The following PAK5 variants were observed in gnomAD, a reference collection of about 807,000 sequenced individuals.
PAK5 encodes serine/threonine-protein kinase PAK 5.
A neutral mutation model predicts 65.9 loss-of-function variants in PAK5; 16 were observed. The observed-to-expected ratio is 0.24, with a 90% CI of 0.16 to 0.37. The LOEUF (loss-of-function observed/expected upper bound fraction) is 0.37, where lower values mean the gene tolerates loss of function less well. Ranked by LOEUF, PAK5 falls within the 10% of genes least tolerant of loss-of-function variation. The probability of loss-of-function intolerance (pLI) is 1.00; values close to 1 mark genes in which losing one functional copy is unlikely to be tolerated. For synonymous variants in PAK5, 371 were observed against 354.9 expected (o/e 1.05, Z -0.51); for missense variants, 785 against 903.9 (o/e 0.87, Z 1.69).
chr20:9,765,956 G>T (rs1052876652), intron 1 of PAK5, among the ~76,000 whole-genome samples: 9 of 152,230 alleles, frequency 5.9e-5, no homozygotes, highest in Non-Finnish European at 1.3e-4. Flanking sequence ...GGGCGTGGTG[G>T]CTCACGCCTG....
intron 9 of PAK5, among the ~76,000 whole-genome samples, chr20:9,540,810 C>T (rs2045250102): frequency 6.6e-6 from 1 of 151,212 alleles, no homozygotes; most frequent in Non-Finnish European, 1.5e-5. Flanking sequence ...GATCTGGGCT[C>T]ACTGCAAGCT....
At chr20:9,802,908 G>GTATATATATATATATATATATATA (rs2049185951) in intron 1 of PAK5, among the ~76,000 whole-genome samples, 1 of 1,936 alleles carries the variant, frequency 5.2e-4, no homozygotes, top group East Asian at 0.015. Context: ...GTATATGTAT[G>GTATATATATATATATATATATATA]TGTATATATA....
intron 5 of PAK5, 67 bp from the exon 6 acceptor site, chr20:9,563,091 C>G: frequency 7.1e-7 from 1 of 1,399,010 alleles, no homozygotes; most frequent in Non-Finnish European, 1.0e-6. Context: ...CTTGTGGCCA[C>G]AACTACAATT....
intron 2 of PAK5, among the ~76,000 whole-genome samples, chr20:9,679,170 A>C (rs2047616110): frequency 6.6e-6 from 1 of 152,176 alleles, no homozygotes; most frequent in Non-Finnish European, 1.5e-5. Context: ...TCTTGCCTGT[A>C]ATTTTTCTCA....
chr20:9,597,904 C>A (rs2046298776), intron 3 of PAK5, among the ~76,000 whole-genome samples: 1 of 152,240 alleles, frequency 6.6e-6, no homozygotes, highest in Non-Finnish European at 1.5e-5. Flanking sequence ...ATGGGTCAAG[C>A]ACAGGCCAAA....
intron 2 of PAK5, among the ~76,000 whole-genome samples, chr20:9,653,112 G>A (rs2047222233): frequency 6.6e-6 from 1 of 152,072 alleles, no homozygotes; most frequent in Non-Finnish European, 1.5e-5. Context: ...CCAATATCCA[G>A]TATTGACAAA....
intron 1 of PAK5, among the ~76,000 whole-genome samples, chr20:9,799,178 A>G (rs747229327): frequency 1.1e-4 from 17 of 152,140 alleles, no homozygotes; most frequent in South Asian, 6.2e-4. Context: ...AAGGTGTGCA[A>G]TTTTAAACTG....
At chr20:9,643,952 C>T (rs531904340) in intron 3 of PAK5, among the ~76,000 whole-genome samples, 173 bp downstream of exon 3, 16 of 152,310 alleles carry the variant, frequency 1.1e-4, no homozygotes, top group African/African-American at 3.9e-4. Context: ...TCATGGGCTG[C>T]AATTTATAAG....
Position 9,731,217 on chromosome 20 carries a change from TC to T in PAK5, c.-161-19783del, listed in dbSNP as rs528660534. Among the ~76,000 whole-genome samples, 5 of 152,362 alleles carry T rather than the reference TC, an allele frequency of 3.3e-5. No individual in the cohort carries two copies. In the East Asian group the frequency reaches 7.7e-4, roughly 23 times the overall value. ...CAAAATTAATAGAACAATTTTATAA[TC>T]ACATTATAATCAAATGTGAGTCACA... On this transcript the variant is annotated intron_variant, in intron 1 of 9. Coordinates refer to ENST00000353224, the MANE Select transcript of PAK5 (RefSeq NM_177990.4).
At chr20:9,568,768 G>T (rs1052063050) in intron 4 of PAK5, among the ~76,000 whole-genome samples, 1 of 152,158 alleles carries the variant, frequency 6.6e-6, no homozygotes, top group Non-Finnish European at 1.5e-5. Context: ...GGAGCTCAAG[G>T]CTGCAGTGAG....
intron 2 of PAK5, among the ~76,000 whole-genome samples, chr20:9,697,901 T>C (rs1003328082): frequency 6.6e-5 from 10 of 152,176 alleles, no homozygotes; most frequent in African/African-American, 2.2e-4. Flanking sequence ...TCCCAAGTTA[T>C]GGCCAACATT....
chr20:9,713,887 G>A (rs1338990402), intron 1 of PAK5, among the ~76,000 whole-genome samples: 3 of 151,912 alleles, frequency 2.0e-5, no homozygotes, highest in African/African-American at 7.2e-5. Flanking sequence ...AAGAGAAGTT[G>A]ATTAATGAGT....
At chr20:9,577,024 G>A (rs762197047) in intron 4 of PAK5, among the ~76,000 whole-genome samples, 9 of 152,202 alleles carry the variant, frequency 5.9e-5, no homozygotes, top group Non-Finnish European at 1.0e-4. Flanking sequence ...AATACATGGC[G>A]GCAATTTCTC....
intron 1 of PAK5, among the ~76,000 whole-genome samples, chr20:9,766,283 A>ATTGAATATATATATATATTCTAC (rs2048758209): frequency 3.0e-5 from 2 of 66,770 alleles, no homozygotes; most frequent in African/African-American, 6.1e-5. Context: ...ATATATTCTA[A>ATTGAATATATATATATATTCTAC]TTGAATATAT....
At chr20:9,769,916 A>G (rs954577478) in intron 1 of PAK5, among the ~76,000 whole-genome samples, 4 of 152,250 alleles carry the variant, frequency 2.6e-5, no homozygotes, top group African/African-American at 4.8e-5. Flanking sequence ...AGCTAGTAGA[A>G]GAATATAGAA....
chr20:9,637,497 T>C (rs2046997761), intron 3 of PAK5, among the ~76,000 whole-genome samples: 1 of 152,116 alleles, frequency 6.6e-6, no homozygotes. Flanking sequence ...TGAGAACCAC[T>C]GCAAGAAAAC....
At chr20:9,791,480 A>G (rs983862906) in intron 1 of PAK5, among the ~76,000 whole-genome samples, 1 of 151,942 alleles carries the variant, frequency 6.6e-6, no homozygotes, top group Non-Finnish European at 1.5e-5. Context: ...CTCACCCGAC[A>G]ATGTCTTTAC....
chr20:9,738,349 T>C (rs1014338410), intron 1 of PAK5, among the ~76,000 whole-genome samples: 3 of 152,108 alleles, frequency 2.0e-5, no homozygotes, highest in Non-Finnish European at 2.9e-5. Flanking sequence ...CATATTCCCA[T>C]ACAAAGGCTT....
intron 3 of PAK5, among the ~76,000 whole-genome samples, chr20:9,634,228 C>A (rs985459722): frequency 3.3e-5 from 5 of 152,166 alleles, no homozygotes; most frequent in Non-Finnish European, 7.3e-5. Context: ...ATAGATGTGA[C>A]ATCACCCATT....
Sources: allele counts gnomAD v4.1 joint callset (sites outside exome capture counted in the v4.1 genomes callset), GRCh38; gene constraint gnomAD v4.1.1; transcripts MANE v1.5; gene names NCBI Gene and HGNC (gene_info 2026-07-23, HGNC 2026-07-21).